The following SLC24A3 variants were observed in gnomAD, a reference collection of about 807,000 sequenced individuals.
SLC24A3 encodes solute carrier family 24 member 3, also known as sodium/potassium/calcium exchanger 3.
Under a neutral mutation model 75.8 loss-of-function variants are expected in SLC24A3, and 28 were observed. The ratio of observed to expected loss-of-function variants is 0.37; its 90% CI spans 0.27 to 0.51. The LOEUF is 0.51. SLC24A3 is among the 20% of genes least tolerant of loss of function. SLC24A3 has a pLI of 0.94. For synonymous variants in SLC24A3, 372 were observed against 334.1 expected (o/e 1.11, Z -1.24); for missense variants, 663 against 847.8 (o/e 0.78, Z 2.71).
At chr20:19,496,136 G>A (rs1055979632) in intron 2 of SLC24A3, among the ~76,000 whole-genome samples, 3 of 152,094 alleles carry the variant, frequency 2.0e-5, no homozygotes, top group Admixed American at 6.5e-5. Context: ...TGGAAACTTT[G>A]GCCACGGGTG....
chr20:19,294,438 C>T (rs1984015437), intron 2 of SLC24A3, among the ~76,000 whole-genome samples: 2 of 152,172 alleles, frequency 1.3e-5, no homozygotes, highest in Non-Finnish European at 2.9e-5. Flanking sequence ...CTTTCTCCCC[C>T]TTCTCCCCAA....
intron 2 of SLC24A3, among the ~76,000 whole-genome samples, chr20:19,298,289 G>T (rs6045975): frequency 0.06 from 9,075 of 152,266 alleles, 596 homozygotes; most frequent in African/African-American, 0.17. Flanking sequence ...TCCAACAAAC[G>T]CTGTCCCAGC....
intron 2 of SLC24A3, among the ~76,000 whole-genome samples, chr20:19,454,681 A>G (rs1987548646): frequency 1.3e-5 from 2 of 152,220 alleles, no homozygotes; most frequent in African/African-American, 4.8e-5. Context: ...AAAAGACCCA[A>G]GGGTTGTAGG....
At chr20:19,326,684 T>C (rs115675425) in intron 2 of SLC24A3, among the ~76,000 whole-genome samples, 2,212 of 151,920 alleles carry the variant, frequency 0.015, 42 homozygotes, top group African/African-American at 0.05. Flanking sequence ...CTCAAGAGAT[T>C]CTCCTGCTTC....
At chr20:19,280,910 C>A in intron 1 of SLC24A3, 49 bp from the exon 2 acceptor site, 1 of 1,597,454 alleles carries the variant, frequency 6.3e-7, no homozygotes, top group Non-Finnish European at 8.5e-7. Flanking sequence ...TCGGCAGAGG[C>A]TGAAACCCAG....
At chr20:19,385,053 T>A (rs1986249467) in intron 2 of SLC24A3, among the ~76,000 whole-genome samples, 1 of 152,350 alleles carries the variant, frequency 6.6e-6, no homozygotes, top group Non-Finnish European at 1.5e-5. Flanking sequence ...CCTTATCAGA[T>A]GTATGGCTTG....
intron 6 of SLC24A3, among the ~76,000 whole-genome samples, chr20:19,611,237 G>C (rs2031667829): frequency 6.6e-6 from 1 of 152,188 alleles, no homozygotes; most frequent in Non-Finnish European, 1.5e-5. Context: ...GCAGAAGATG[G>C]ATATCATTCA....
chr20:19,473,187 G>A (rs1987903429), intron 2 of SLC24A3, among the ~76,000 whole-genome samples: 1 of 152,182 alleles, frequency 6.6e-6, no homozygotes, highest in Non-Finnish European at 1.5e-5. Context: ...GTTCTTTTAT[G>A]TTTGCTATTG....
intron 2 of SLC24A3, among the ~76,000 whole-genome samples, chr20:19,474,067 G>A (rs533150768): frequency 3.8e-4 from 58 of 152,266 alleles, no homozygotes; most frequent in African/African-American, 1.2e-3. Flanking sequence ...TACTCAACAC[G>A]GGTCCCTGAG....
intron 2 of SLC24A3, among the ~76,000 whole-genome samples, chr20:19,472,188 G>T (rs1229248845): frequency 2.6e-5 from 4 of 152,208 alleles, no homozygotes; most frequent in African/African-American, 9.6e-5. Context: ...GAAATGGTGG[G>T]TAGCTTTCAA....
intron 6 of SLC24A3, among the ~76,000 whole-genome samples, chr20:19,653,505 G>T (rs2032230588): frequency 3.3e-5 from 5 of 152,232 alleles, no homozygotes; most frequent in Admixed American, 3.3e-4. Context: ...CCTTCTGAAG[G>T]GCGGCAGCAG....
chr20:19,216,954 A>G (rs1447326887), intron 1 of SLC24A3, among the ~76,000 whole-genome samples: 1 of 152,052 alleles, frequency 6.6e-6, no homozygotes, highest in Non-Finnish European at 1.5e-5. Context: ...CTGAAGCAAC[A>G]CCTCTCCCAT....
chr20:19,516,523 T>G (rs2029992481), intron 3 of SLC24A3, among the ~76,000 whole-genome samples: 1 of 152,222 alleles, frequency 6.6e-6, no homozygotes, highest in Non-Finnish European at 1.5e-5. Context: ...CTCCACGGAA[T>G]CCAGGGCCTC....
intron 3 of SLC24A3, among the ~76,000 whole-genome samples, chr20:19,519,227 G>A (rs1312536404): frequency 1.3e-5 from 2 of 152,236 alleles, no homozygotes; most frequent in Non-Finnish European, 2.9e-5. Flanking sequence ...AAGGCTTGCA[G>A]CCTTCAGCCT....
chr20:19,709,360 G>A (rs1468501621), intron 15 of SLC24A3, among the ~76,000 whole-genome samples: 1 of 152,146 alleles, frequency 6.6e-6, no homozygotes, highest in Non-Finnish European at 1.5e-5. Context: ...ATGTGGGTGA[G>A]TACTGCTGGC....
At chr20:19,677,293 C>CA (rs5840854) in intron 9 of SLC24A3, among the ~76,000 whole-genome samples, 39,294 of 102,304 alleles carry the variant, frequency 0.38, 5,934 homozygotes, top group African/African-American at 0.5. Flanking sequence ...GACCCCGTTC[C>CA]AAAAAAAAAA....
chr20:19,704,865 G>T (rs1331069232), intron 15 of SLC24A3, among the ~76,000 whole-genome samples: 1 of 152,132 alleles, frequency 6.6e-6, no homozygotes, highest in East Asian at 1.9e-4. Flanking sequence ...TGGTCACAGG[G>T]CTCAGGTTTC....
chr20:19,685,551 A>G (rs1002129314), intron 12 of SLC24A3, among the ~76,000 whole-genome samples, 190 bp downstream of exon 12: 5 of 152,328 alleles, frequency 3.3e-5, no homozygotes, highest in South Asian at 2.1e-4. Context: ...ATGGGGGTCC[A>G]TGATCATTGC....
At chr20:19,241,819 G>A (rs368465664) in intron 1 of SLC24A3, among the ~76,000 whole-genome samples, 30 of 152,294 alleles carry the variant, frequency 2.0e-4, no homozygotes, top group African/African-American at 7.2e-4. Flanking sequence ...GATGAATAGT[G>A]AATCAGCTTC....
Sources: gnomAD v4.1 joint callset for allele counts (sites outside exome capture counted in the v4.1 genomes callset) on GRCh38, gnomAD v4.1.1 for gene constraint, MANE v1.5 for transcripts, NCBI Gene and HGNC (gene_info 2026-07-23, HGNC 2026-07-21) for gene names.